SNRPN: variants seen among roughly 807,000 people sequenced by gnomAD.
SNRPN encodes small nuclear ribonucleoprotein polypeptide N, also known as small nuclear ribonucleoprotein-associated protein N.
In SNRPN, 7 loss-of-function variants were observed where a neutral mutation model predicts 25.2. That is an observed-to-expected ratio of 0.28 (90% CI 0.16 to 0.52). The LOEUF (loss-of-function observed/expected upper bound fraction) is 0.52, where lower values mean the gene tolerates loss of function less well. SNRPN is among the 20% of genes least tolerant of loss of function. SNRPN has a pLI of 0.96. For synonymous variants in SNRPN, 124 were observed against 110.6 expected (o/e 1.12, Z -0.76); for missense variants, 196 against 322.5 (o/e 0.61, Z 3.00).
At chr15:24,893,941 T>G (rs2057877170) in intron 2 of SNRPN, among the ~76,000 whole-genome samples, 1 of 152,186 alleles carries the variant, frequency 6.6e-6, no homozygotes, top group South Asian at 2.1e-4. Context: ...TCCGTAAGCC[T>G]TTTATGACTT....
At chr15:24,881,526 C>CGAGA (rs758798894) in intron 1 of SNRPN, among the ~76,000 whole-genome samples, 114 of 72,476 alleles carry the variant, frequency 1.6e-3, no homozygotes, top group Non-Finnish European at 2.1e-3. Flanking sequence ...AGCGAAACTC[C>CGAGA]GAGAGAGAGA....
chr15:24,861,557 T>C (rs758602348), intron 1 of SNRPN, among the ~76,000 whole-genome samples: 12 of 152,328 alleles, frequency 7.9e-5, no homozygotes, highest in Non-Finnish European at 1.3e-4. Context: ...CTGCAGACTT[T>C]AGAAACACTG....
chr15:24,840,874 T>G (rs948599641), intron 2 of SNRPN, among the ~76,000 whole-genome samples: 1 of 151,872 alleles, frequency 6.6e-6, no homozygotes, highest in African/African-American at 2.4e-5. Context: ...CGAGACGGAG[T>G]CTTGCTCTGT....
chr15:24,928,393 C>T (rs1390224368), intron 3 of SNRPN, among the ~76,000 whole-genome samples: 1 of 151,212 alleles, frequency 6.6e-6, no homozygotes, highest in Non-Finnish European at 1.5e-5. Context: ...TACTATTTAG[C>T]CATAAAAAAA....
chr15:24,901,206 C>G (rs1477429494), intron 2 of SNRPN, among the ~76,000 whole-genome samples: 1 of 152,158 alleles, frequency 6.6e-6, no homozygotes, highest in Non-Finnish European at 1.5e-5. Flanking sequence ...GAAGAGGGCT[C>G]AAACATCTTG....
chr15:24,916,955 C>T (rs2059566218), intron 2 of SNRPN, among the ~76,000 whole-genome samples: 1 of 152,216 alleles, frequency 6.6e-6, no homozygotes, highest in Non-Finnish European at 1.5e-5. Flanking sequence ...CCACTGGTGG[C>T]TGGGGTGGAG....
chr15:24,868,112 T>TGC (rs2054752377), intron 1 of SNRPN, among the ~76,000 whole-genome samples: 1 of 139,758 alleles, frequency 7.2e-6, no homozygotes, highest in African/African-American at 2.9e-5. Flanking sequence ...TGTATATGGG[T>TGC]GTGTGTGTGT....
intron 2 of SNRPN, among the ~76,000 whole-genome samples, chr15:24,917,231 A>T (rs1319633171): frequency 1.3e-5 from 2 of 152,124 alleles, no homozygotes; most frequent in Non-Finnish European, 2.9e-5. Context: ...AAAGGCCATA[A>T]ATTTCCAGGT....
At chr15:24,867,013 T>C (rs898254251) in intron 1 of SNRPN, among the ~76,000 whole-genome samples, 2 of 152,194 alleles carry the variant, frequency 1.3e-5, no homozygotes, top group Admixed American at 1.3e-4. Context: ...AGTCACCAAC[T>C]ATAATAGTGG....
chr15:24,976,915 A>G lies in SNRPN; in HGVS notation c.306A>G (p.Gly102=). The G allele has an allele frequency of 6.2e-7, 1 of 1,608,000 alleles. No individual in the cohort carries two copies. The highest frequency in any genetic ancestry group is 1.7e-5 in the Admixed American group (1 of 58,722). The stretch of plus-strand genomic sequence containing the variant: ...GGGTACCACTTGCTGGAGCTGCTGG[A>G]GGCCCTGGGGTTGGTAGGGCAGCTG... ...IARVPLAGAA[G]GPGVGRAAGR... Residue 102 remains glycine (G), a synonymous_variant, in exon 7 of 10, where the codon GGA becomes GGG. Coordinates refer to ENST00000390687, the MANE Select transcript of SNRPN (RefSeq NM_003097.6).
rs1268750050 is a variant in SNRPN, at chr15:24,918,979, CATA to C, written c.-504-1028_-504-1026del. Among the ~76,000 whole-genome samples, 4 of 111,996 alleles carry C rather than the reference CATA, an allele frequency of 3.6e-5. 1 individual carries two copies. The highest frequency in any genetic ancestry group is 9.6e-5 in the Admixed American group (1 of 10,464). 73.5% of individuals were successfully genotyped at this position (111,996 alleles called of 152,430 possible). ...TATATATGCGCGCATATATATATAA[CATA>C]ATATATATGTGCGCATATATATATA... On this transcript the variant is annotated intron_variant, in intron 2 of 11. Transcript: ENST00000400097.
At chr15:24,919,577 G>C (rs1356857745) in intron 2 of SNRPN, among the ~76,000 whole-genome samples, 1 of 152,094 alleles carries the variant, frequency 6.6e-6, no homozygotes, top group Non-Finnish European at 1.5e-5. Flanking sequence ...GAGCAGGCTG[G>C]GAGGTCTGTG....
upstream of SNRPN, among the ~76,000 whole-genome samples, chr15:24,950,844 G>C (rs1322279289): frequency 6.6e-6 from 1 of 150,712 alleles, no homozygotes; most frequent in Non-Finnish European, 1.5e-5. Flanking sequence ...CCCTGTGCCC[G>C]GCCCCTATGT....
At chr15:24,854,358 A>G (rs1232773338), upstream of SNRPN, among the ~76,000 whole-genome samples, 1 of 152,240 alleles carries the variant, frequency 6.6e-6, no homozygotes, top group Non-Finnish European at 1.5e-5. Context: ...AAAAATGGCC[A>G]TAAAGGGCCA....
chr15:24,835,900 A>G (rs1298078856), intron 2 of SNRPN, among the ~76,000 whole-genome samples: 1 of 151,860 alleles, frequency 6.6e-6, no homozygotes, highest in Non-Finnish European at 1.5e-5. Flanking sequence ...CCTAGGCTCA[A>G]GCCATCTTCC....
At chr15:24,915,816 G>A (rs1031479864) in intron 2 of SNRPN, among the ~76,000 whole-genome samples, 1 of 151,996 alleles carries the variant, frequency 6.6e-6, no homozygotes, top group Admixed American at 6.6e-5. Context: ...AAATTTTAAG[G>A]GGTGGCAGGG....
chr15:24,828,633 G>C (rs1199082809), intron 1 of SNRPN, among the ~76,000 whole-genome samples: 2 of 152,092 alleles, frequency 1.3e-5, no homozygotes, highest in Non-Finnish European at 2.9e-5. Flanking sequence ...TTGATTGCTT[G>C]AGCCCAGGAA....
At chr15:24,882,471 G>A (rs1276778852) in intron 1 of SNRPN, among the ~76,000 whole-genome samples, 1 of 151,942 alleles carries the variant, frequency 6.6e-6, no homozygotes, top group Non-Finnish European at 1.5e-5. Context: ...CACTTTCATA[G>A]CACAGATGCT....
At chr15:24,849,625 T>A (rs530287005) in intron 2 of SNRPN, 1 of 152,336 alleles carries the variant, frequency 6.6e-6, no homozygotes, top group African/African-American at 2.4e-5. Context: ...AACAACTATG[T>A]CCACCTCCCC....
Sources: allele counts gnomAD v4.1 joint callset (sites outside exome capture counted in the v4.1 genomes callset), GRCh38; gene constraint gnomAD v4.1.1; transcripts MANE v1.5; gene names NCBI Gene and HGNC (gene_info 2026-07-23, HGNC 2026-07-21).